TMEM132A: variants seen among roughly 807,000 people sequenced by gnomAD.
The protein encoded by TMEM132A is transmembrane protein 132A, also known as GRP78-binding protein.
A neutral mutation model predicts 69.9 loss-of-function variants in TMEM132A; 48 were observed. The observed-to-expected ratio is 0.69, with a 90% CI of 0.55 to 0.87. TMEM132A has a LOEUF of 0.87. Ranked by LOEUF, TMEM132A falls within the 40% of genes least tolerant of loss-of-function variation. The probability of loss-of-function intolerance (pLI) is 0.00; values close to 1 mark genes in which losing one functional copy is unlikely to be tolerated. For synonymous variants in TMEM132A, 577 were observed against 613.7 expected, an observed-to-expected ratio of 0.94 and a Z score of 0.88; for missense variants, 1,287 against 1,407.2, an observed-to-expected ratio of 0.91 and a Z score of 1.37.
rs758040483 is a variant in TMEM132A, at chr11:60,935,368, G to A, written c.1953G>A (p.Leu651=). 5.0e-6 allele frequency: 8 copies of A among 1,612,716 alleles called. No individual in the cohort carries two copies. The highest frequency in any genetic ancestry group is 1.3e-5 in the African/African-American group (1 of 74,892). The part of the protein sequence containing the change: ...VQPVMGISLT[L]SRGTAHPGEV... ...CAGTGATGGGCATCTCGCTGACCTT[G>A]AGCCGGGGCACTGCCCACCCCGGGG... Residue 651 remains leucine (L), a synonymous_variant, in exon 10 of 11, where the codon TTG becomes TTA. Coordinates refer to ENST00000453848, the MANE Select transcript of TMEM132A (RefSeq NM_178031.3). The surrounding 1 kb of genome is among the most constrained non-coding windows in gnomAD (Gnocchi z 5.0).
At chr11:60,929,587 C>G (rs553201566) in intron 4 of TMEM132A, among the ~76,000 whole-genome samples, 1 of 152,288 alleles carries the variant, frequency 6.6e-6, no homozygotes, top group East Asian at 1.9e-4. Flanking sequence ...CTTTAAGATT[C>G]TGAGAAGCCT....
rs535352288 is a variant in TMEM132A, at chr11:60,935,390, G to A, written c.1975G>A (p.Gly659Arg). The A allele has an allele frequency of 2.8e-5, 45 of 1,612,048 alleles. No homozygotes were observed. The highest frequency in any genetic ancestry group is 1.5e-4 in the Admixed American group (9 of 59,758). Residue 659 changes from glycine to arginine, a missense_variant, in exon 10 of 11, where the codon GGG (glycine) becomes AGG (arginine). Physicochemically the swap from Gly to Arg is moderately radical, Grantham distance 125. Transcript: ENST00000453848. This position sits in a 1 kb window ranked among gnomAD's most constrained non-coding sequence, Gnocchi z 5.0. Reference sequence around the variant, plus strand: ...CTTGAGCCGGGGCACTGCCCACCCCGGGGAGGTCACAGCTACGTGCTGGGC... The same window carrying A: ...CTTGAGCCGGGGCACTGCCCACCCCAGGGAGGTCACAGCTACGTGCTGGGC... ...LTLSRGTAHP[G>R]EVTATCWAQS...
Position 60,935,500 on chromosome 11 carries a change from T to TA in TMEM132A, c.2028+58dup. 2 of 1,514,854 alleles carry TA rather than the reference T, an allele frequency of 1.3e-6. No homozygotes were observed. The highest frequency in any genetic ancestry group is 1.8e-6 in the Non-Finnish European group (2 of 1,118,218). The allele number at this position is 1,514,854 out of a possible 1,614,324, so 93.8% of individuals were successfully genotyped here. The stretch of plus-strand genomic sequence containing the variant: ...AACATCTCCAGATGGGGGCTCATGG[T>TA]AGAGGGGAATGGGAGGAAGGGACCC... On this transcript the variant is annotated intron_variant, in intron 10 of 10. Coordinates refer to ENST00000453848, the MANE Select transcript of TMEM132A (RefSeq NM_178031.3). This position sits in a 1 kb window ranked among gnomAD's most constrained non-coding sequence, Gnocchi z 5.0.
Position 60,928,688 on chromosome 11 carries a change from C to A in TMEM132A, c.594C>A (p.Ala198=). The change falls in exon 4 of 11, where the codon GCC becomes GCA. Residue 198 remains alanine (A), a synonymous_variant. Transcript: ENST00000453848. The part of the protein sequence containing the change: ...LELPSHWFSQ[A]STTRAELAYT... ...TTCCCTCGCACTGGTTCTCACAGGC[C>A]TCCACCACACGGGCCGAGCTGGCCT... 6.2e-7 allele frequency: 1 copy of A among 1,611,130 alleles called. No homozygotes were observed.
At chr11:60,934,139 G>C (rs1856539887) in intron 8 of TMEM132A, 1 of 369,858 alleles carries the variant, frequency 2.7e-6, no homozygotes, top group Non-Finnish European at 4.8e-6. Context: ...CCCTCGGAGG[G>C]GGCTCCCCAA....
rs1217209787 is a variant in TMEM132A at position 60,936,062 on chromosome 11, C to T, written c.2227C>T (p.His743Tyr). Residue 743 changes from histidine (H) to tyrosine (Y), a missense_variant, in exon 11 of 11, where the codon CAC (histidine) becomes TAC (tyrosine). Physicochemically the swap from His to Tyr is moderately conservative, Grantham distance 83 (BLOSUM62 2). Coordinates refer to ENST00000453848, the MANE Select transcript of TMEM132A (RefSeq NM_178031.3). ...GGGGCTGCCGCTGCATGTGGCTCTG[C>T]ACCCGCCCGAGCCCTGCCGCCGGGG... ...AEGLPLHVALHPPEPCRRGRH... is the reference protein window; with the variant it reads ...AEGLPLHVALYPPEPCRRGRH... The T allele has an allele frequency of 4.4e-6, 7 of 1,606,010 alleles. No homozygotes were observed. Among genetic ancestry groups the T allele is most frequent in the African/African-American group, 1.3e-5 (1 of 74,838 alleles).
In TMEM132A at chr11:60,935,345, G is replaced by A; in HGVS notation, c.1930G>A (p.Val644Met). Residue 644 changes from valine to methionine, a missense_variant, in exon 10 of 11, where the codon GTG (valine) becomes ATG (methionine). Coordinates refer to ENST00000453848, the MANE Select transcript of TMEM132A (RefSeq NM_178031.3). This position sits in a 1 kb window ranked among gnomAD's most constrained non-coding sequence, Gnocchi z 5.0. Reference sequence around the variant, plus strand: ...AGTGCTGGAGCTGAGGGTGCAGCCAGTGATGGGCATCTCGCTGACCTTGAG... The same window carrying A: ...AGTGCTGGAGCTGAGGGTGCAGCCAATGATGGGCATCTCGCTGACCTTGAG... ...VSVLELRVQP[V>M]MGISLTLSRG... 1 of 1,613,118 alleles carries A rather than the reference G, an allele frequency of 6.2e-7. No homozygotes were observed. Among genetic ancestry groups the A allele is most frequent in the African/African-American group, 1.3e-5 (1 of 75,024 alleles).
intron 3 of TMEM132A, 63 bp downstream of exon 3, chr11:60,927,922 C>T (rs1156863888): frequency 6.4e-5 from 92 of 1,445,256 alleles, no homozygotes; most frequent in Non-Finnish European, 8.1e-5. Flanking sequence ...GTGGTGGGCC[C>T]GCGGCAGAGA....
Position 60,927,683 on chromosome 11 carries a change from C to A in TMEM132A, c.358C>A (p.Pro120Thr). Residue 120 changes from proline to threonine, a missense_variant, in exon 3 of 11, where the codon CCA becomes ACA. Pro to Thr is a conservative substitution (Grantham distance 38). Transcript: ENST00000453848. ...CACTGAGCCCCACCAACGGCCAGTC[C>A]CATGGGACGTGCGGGCCGTTTCAGT... is the stretch of plus-strand genomic sequence containing the variant. ...RVTEPHQRPV[P>T]WDVRAVSVEA... The A allele has an allele frequency of 6.2e-7, 1 of 1,613,544 alleles. No homozygotes were observed. Among genetic ancestry groups the A allele is most frequent in the Middle Eastern group, 1.6e-4 (1 of 6,062 alleles).
intron 2 of TMEM132A, 92 bp downstream of exon 2, chr11:60,927,510 T>G (rs1327016614): frequency 7.0e-7 from 1 of 1,432,162 alleles, no homozygotes; most frequent in Non-Finnish European, 9.5e-7. Context: ...CAGCCCCGGC[T>G]GTGCTCCCCA....
Position 60,936,773 on chromosome 11 carries a change from C to G in TMEM132A, c.2938C>G (p.Pro980Ala). ...CCCTCCAGCCCAGTCACCTGAGGAG[C>G]CTGTAGGGGCCCCTGCTGTGCAGTC... is the stretch of plus-strand genomic sequence containing the variant. Reference protein sequence around the residue: ...PAPPAQSPEEPVGAPAVQSIL... With the variant: ...PAPPAQSPEEAVGAPAVQSIL... Residue 980 changes from proline to alanine, a missense_variant, in exon 11 of 11, where the codon CCT (proline) becomes GCT (alanine). Coordinates refer to ENST00000453848, the MANE Select transcript of TMEM132A (RefSeq NM_178031.3). 1 of 1,612,802 alleles carries G rather than the reference C, an allele frequency of 6.2e-7. No homozygotes were observed. Among genetic ancestry groups the G allele is most frequent in the Non-Finnish European group, 8.5e-7 (1 of 1,179,540 alleles).
At position 60,927,727 on chromosome 11, in the gene TMEM132A, A is replaced by T; in HGVS notation, c.402A>T (p.Pro134=). ...RAVSVEAAVT[P]AEPYARVLFH... is the part of the protein sequence containing the mutation. ...TTTCAGTGGAAGCGGCTGTGACTCCAGCAGAGCCCTACGCCCGGGTTCTCT... is the reference window on the plus strand; with the variant it reads ...TTTCAGTGGAAGCGGCTGTGACTCCTGCAGAGCCCTACGCCCGGGTTCTCT... Residue 134 remains proline (P), a synonymous_variant, in exon 3 of 11, where the codon CCA becomes CCT. Transcript: ENST00000453848. 1 of 1,613,626 alleles carries T rather than the reference A, an allele frequency of 6.2e-7. No homozygotes were observed. The highest frequency in any genetic ancestry group is 8.5e-7 in the Non-Finnish European group (1 of 1,180,038).
rs1172492679 is a variant in TMEM132A, at chr11:60,933,569, G to C, written c.1384G>C (p.Val462Leu). 4 of 1,607,604 alleles carry C rather than the reference G, an allele frequency of 2.5e-6. No individual in the cohort carries two copies. Among genetic ancestry groups the C allele is most frequent in the Non-Finnish European group, 3.4e-6 (4 of 1,179,210 alleles). The change falls in exon 8 of 11, where the codon GTG becomes CTG. Residue 462 changes from valine (V) to leucine (L), a missense_variant. Coordinates refer to ENST00000453848, the MANE Select transcript of TMEM132A (RefSeq NM_178031.3). Reference sequence around the variant, plus strand: ...GTCTGAGGCCTGTGATGCCGTGTTCGTGGCTGGCAAGGAGAGCCGGGGCGC... The same window carrying C: ...GTCTGAGGCCTGTGATGCCGTGTTCCTGGCTGGCAAGGAGAGCCGGGGCGC... The part of the protein sequence containing the change: ...QVSEACDAVF[V>L]AGKESRGARG...
Position 60,928,890 on chromosome 11 carries a change from C to A in TMEM132A, c.796C>A (p.Arg266=). 1 of 1,612,768 alleles carries A rather than the reference C, an allele frequency of 6.2e-7. No homozygotes were observed. Residue 266 remains arginine (R), a synonymous_variant, in exon 4 of 11, where the codon CGG becomes AGG. Coordinates refer to ENST00000453848, the MANE Select transcript of TMEM132A (RefSeq NM_178031.3). Reference sequence around the variant, plus strand: ...TCTGCGGGTGCCTGACATGCCAGTGCGGCCCGGCCAGCTCTTTAGTGCTAC... The same window carrying A: ...TCTGCGGGTGCCTGACATGCCAGTGAGGCCCGGCCAGCTCTTTAGTGCTAC... ...VTLRVPDMPV[R]PGQLFSATLL... is the part of the protein sequence containing the mutation.
intron 3 of TMEM132A, 99 bp downstream of exon 3, chr11:60,927,958 G>A (rs1361586802): frequency 1.7e-5 from 18 of 1,054,782 alleles, no homozygotes; most frequent in Non-Finnish European, 2.2e-5. Flanking sequence ...TGGGAAGCGC[G>A]GGGGTTGTGG....
rs1451470497 is a variant in TMEM132A, at chr11:60,931,845, G to T, written c.1173G>T (p.Val391=). The T allele has an allele frequency of 2.5e-6, 4 of 1,614,138 alleles. No homozygotes were observed. The highest frequency in any genetic ancestry group is 1.3e-5 in the African/African-American group (1 of 74,946). ...ACAAAATGGTGTGGGAAATCCTGGT[G>T]TCTGAGCGGGACATCAGAGCCCTTA... The part of the protein sequence containing the change: ...EKDKMVWEIL[V]SERDIRALIP... The change falls in exon 6 of 11, where the codon GTG becomes GTT. Residue 391 remains valine (V), a synonymous_variant. Transcript: ENST00000453848.
In TMEM132A at chr11:60,935,714, G is replaced by A. The variant is rs772006509; in HGVS notation, c.2029-150G>A. The A allele has an allele frequency of 1.9e-5, 18 of 969,942 alleles. No individual in the cohort carries two copies. Among genetic ancestry groups the A allele is most frequent in the African/African-American group, 3.3e-5 (2 of 60,858 alleles). The allele number at this position is 969,942 out of a possible 1,614,324, so 60.1% of individuals were successfully genotyped here. On this transcript the variant is annotated intron_variant, in intron 10 of 10. Transcript: ENST00000453848. The surrounding 1 kb of genome is among the most constrained non-coding windows in gnomAD (Gnocchi z 5.0). ...AGTGGCAGACAGGTGATTGACACGC[G>A]TCCCCTCTCTCCCTGTGTTTTGTCT... is the stretch of plus-strand genomic sequence containing the variant.
At chr11:60,925,505 G>A (rs1461941835) in intron 1 of TMEM132A, 2 of 152,410 alleles carry the variant, frequency 1.3e-5, no homozygotes, top group Admixed American at 6.5e-5. Context: ...GGAGTAGGAG[G>A]CGAACCTGAA....
Position 60,936,820 on chromosome 11 carries a change from G to A in TMEM132A, c.2985G>A (p.Glu995=), listed in dbSNP as rs373965471. The part of the protein sequence containing the change: ...AVQSILVAGE[E]DIRWVCEDMG... ...AGTCCATCCTTGTGGCAGGCGAGGA[G>A]GACATCCGCTGGGTGTGTGAGGACA... The change falls in exon 11 of 11, where the codon GAG becomes GAA. Residue 995 remains glutamate, a synonymous_variant. Coordinates refer to ENST00000453848, the MANE Select transcript of TMEM132A (RefSeq NM_178031.3). 195 of 1,612,976 alleles carry A rather than the reference G, an allele frequency of 1.2e-4. No homozygotes were observed. Among genetic ancestry groups the A allele is most frequent in the Non-Finnish European group, 1.6e-4 (188 of 1,179,582 alleles).
Sources: allele counts gnomAD v4.1 joint callset (sites outside exome capture counted in the v4.1 genomes callset), GRCh38; gene constraint gnomAD v4.1.1; non-coding constraint Gnocchi (gnomAD v3.1); transcripts MANE v1.5; gene names NCBI Gene and HGNC (gene_info 2026-07-23, HGNC 2026-07-21).